Variants in LINGO2 observed in about 807,000 individuals in gnomAD.
LINGO2 encodes leucine rich repeat and Ig domain containing 2, also known as leucine-rich repeat and immunoglobulin-like domain-containing nogo receptor-interacting protein 2.
A neutral mutation model predicts 30.6 loss-of-function variants in LINGO2; 14 were observed. The ratio of observed to expected loss-of-function variants is 0.46; its 90% confidence interval spans 0.30 to 0.72. The LOEUF is 0.72. LINGO2 is among the 30% of genes least tolerant of loss of function. The pLI is 0.07. For synonymous variants in LINGO2, 317 were observed against 288.5 expected, an observed-to-expected ratio of 1.10 and a Z score of -1.00; for missense variants, 729 against 751.7, an observed-to-expected ratio of 0.97 and a Z score of 0.35.
intron 3 of LINGO2, among the ~76,000 whole-genome samples, chr9:28,352,264 C>T (rs983307537): frequency 1.0e-4 from 15 of 150,646 alleles, no homozygotes; most frequent in Middle Eastern, 3.4e-3. Context: ...ATTGTCTCAG[C>T]CCAAAATCTC....
the LINGO2 span, among the ~76,000 whole-genome samples, chr9:29,025,485 C>T: frequency 6.6e-6 from 1 of 152,094 alleles, no homozygotes; most frequent in East Asian, 1.9e-4. Flanking sequence ...AGACAATATT[C>T]TAATCTCTGT....
intron 4 of LINGO2, among the ~76,000 whole-genome samples, chr9:28,075,087 C>T (rs902834624): frequency 4.6e-5 from 7 of 151,930 alleles, no homozygotes; most frequent in South Asian, 4.2e-4. Flanking sequence ...CTCTTCCACT[C>T]GGAAGCTATC....
intron 1 of LINGO2, among the ~76,000 whole-genome samples, chr9:28,622,797 T>C (rs889020103): frequency 1.3e-5 from 2 of 152,006 alleles, no homozygotes; most frequent in Non-Finnish European, 2.9e-5. Context: ...CTAATTTACA[T>C]TTCCACCACC....
chr9:28,233,156 C>A (rs944531189), intron 4 of LINGO2, among the ~76,000 whole-genome samples: 1 of 143,070 alleles, frequency 7.0e-6, no homozygotes, highest in East Asian at 2.1e-4. Flanking sequence ...TGTGTGTGTG[C>A]GTATCTGTGT....
chr9:29,042,710 G>A, the LINGO2 span, among the ~76,000 whole-genome samples: 1 of 151,884 alleles, frequency 6.6e-6, no homozygotes, highest in South Asian at 2.1e-4. Flanking sequence ...TGTACACATT[G>A]TGGGATGACT....
chr9:29,192,624 T>C, the LINGO2 span, among the ~76,000 whole-genome samples: 1 of 152,268 alleles, frequency 6.6e-6, no homozygotes, highest in East Asian at 1.9e-4. Context: ...TAAACATCTC[T>C]TCGCTCTGAA....
intron 1 of LINGO2, among the ~76,000 whole-genome samples, chr9:28,483,948 G>T (rs886352744): frequency 1.3e-5 from 2 of 152,016 alleles, no homozygotes; most frequent in African/African-American, 4.8e-5. Context: ...CCTCACTGTT[G>T]CAGGAAAAGC....
At chr9:28,558,273 T>C (rs888945088) in intron 1 of LINGO2, among the ~76,000 whole-genome samples, 1 of 151,970 alleles carries the variant, frequency 6.6e-6, no homozygotes, top group African/African-American at 2.4e-5. Context: ...AGGTCTTTTC[T>C]CTTGAGTAAG....
At chr9:28,233,118 A>G (rs577319421) in intron 4 of LINGO2, among the ~76,000 whole-genome samples, 97 of 142,690 alleles carry the variant, frequency 6.8e-4, no homozygotes, top group Non-Finnish European at 9.1e-4. Context: ...GGGGGGGTCT[A>G]TGTGTGTGTG....
chr9:28,493,145 G>A (rs1001061893), intron 1 of LINGO2, among the ~76,000 whole-genome samples: 4 of 152,044 alleles, frequency 2.6e-5, no homozygotes, highest in Non-Finnish European at 5.9e-5. Flanking sequence ...ATTTCCAGGC[G>A]ATTATTTGCA....
At chr9:29,104,072 A>G in the LINGO2 span, among the ~76,000 whole-genome samples, 4 of 152,198 alleles carry the variant, frequency 2.6e-5, no homozygotes, top group Admixed American at 6.5e-5. Flanking sequence ...CATTGGGCAC[A>G]AAATTTCCAT....
chr9:28,896,793 T>C, the LINGO2 span, among the ~76,000 whole-genome samples: 1 of 152,100 alleles, frequency 6.6e-6, no homozygotes, highest in Non-Finnish European at 1.5e-5. Flanking sequence ...CATAATAATT[T>C]AGGGATTTAA....
chr9:28,800,352 A>G, the LINGO2 span, among the ~76,000 whole-genome samples: 2 of 152,026 alleles, frequency 1.3e-5, no homozygotes, highest in Non-Finnish European at 2.9e-5. Flanking sequence ...TGAAGTTTCA[A>G]TTTATATTCC....
At chr9:28,174,594 A>G (rs564380478) in intron 4 of LINGO2, among the ~76,000 whole-genome samples, 2 of 152,162 alleles carry the variant, frequency 1.3e-5, no homozygotes, top group Non-Finnish European at 2.9e-5. Flanking sequence ...ACATAACCAC[A>G]TATAGGGAGA....
intron 5 of LINGO2, among the ~76,000 whole-genome samples, chr9:27,983,658 T>G (rs1223201833): frequency 1.3e-5 from 2 of 151,766 alleles, no homozygotes; most frequent in Non-Finnish European, 2.9e-5. Flanking sequence ...ATCAGAGAGG[T>G]AAAATCACCA....
intron 1 of LINGO2, among the ~76,000 whole-genome samples, chr9:28,615,493 G>C (rs941901094): frequency 6.6e-6 from 1 of 151,956 alleles, no homozygotes; most frequent in African/African-American, 2.4e-5. Context: ...ACACAAAGTA[G>C]ACACACAATA....
the LINGO2 span, among the ~76,000 whole-genome samples, chr9:28,728,102 G>A: frequency 6.6e-6 from 1 of 152,234 alleles, no homozygotes; most frequent in Middle Eastern, 3.4e-3. Flanking sequence ...AGAGAACTGG[G>A]ATTGAGGTCC....
At chr9:28,595,681 A>G (rs1825139685) in intron 1 of LINGO2, among the ~76,000 whole-genome samples, 1 of 152,132 alleles carries the variant, frequency 6.6e-6, no homozygotes, top group Non-Finnish European at 1.5e-5. Context: ...AGAAAACGAT[A>G]TAATATATGA....
At chr9:29,205,453 T>C in the LINGO2 span, among the ~76,000 whole-genome samples, 1 of 152,350 alleles carries the variant, frequency 6.6e-6, no homozygotes, top group Admixed American at 6.5e-5. Flanking sequence ...TATCTTTACT[T>C]GCCATTGCTA....
Sources: allele counts gnomAD v4.1 joint callset (sites outside exome capture counted in the v4.1 genomes callset), GRCh38; gene constraint gnomAD v4.1.1; transcripts MANE v1.5; gene names NCBI Gene and HGNC (gene_info 2026-07-23, HGNC 2026-07-21).